SUSD2: variants seen among roughly 807,000 people sequenced by gnomAD.
SUSD2 encodes the protein sushi domain-containing protein 2.
Under a neutral mutation model 93.8 loss-of-function variants are expected in SUSD2, and 86 were observed. That is an observed-to-expected ratio of 0.92 (90% CI 0.77 to 1.10). SUSD2 has a LOEUF of 1.10. Among genes scored for constraint, SUSD2 ranks in the 50% least tolerant of loss-of-function variants. The probability of loss-of-function intolerance (pLI) is 0.00; values close to 1 mark genes in which losing one functional copy is unlikely to be tolerated. For missense variants in SUSD2, 1,060 were observed against 1,137.0 expected (o/e 0.93, Z 0.97); for synonymous variants, 483 against 485.0 (o/e 1.00, Z 0.05).
chr22:24,188,288 C>T lies in SUSD2; in HGVS notation c.2405C>T (p.Ala802Val), dbSNP rs369875223. The change falls in exon 14 of 15, where the codon GCG becomes GTG. Residue 802 changes from alanine to valine, a missense_variant. Transcript: ENST00000358321. The surrounding 1 kb of genome is among the most constrained non-coding windows in gnomAD (Gnocchi z 4.7). ...GGCCTCGCGGTGGTGGCGGCGGTTG[C>T]GCTCGTCTATGTGCTGCTGCGCCGC... is the stretch of plus-strand genomic sequence containing the variant. ...FGGLAVVAAV[A>V]LVYVLLRRRK... 25 of 1,604,698 alleles carry T rather than the reference C, an allele frequency of 1.6e-5. No homozygotes were observed. The highest frequency in any genetic ancestry group is 6.7e-5 in the African/African-American group (5 of 74,812).
In SUSD2 at chr22:24,187,364, A is replaced by AC; in HGVS notation, c.1809dup (p.Thr604HisfsTer65). ...GGCCTCCTCGGGACACTCAACAACG[A>AC]CCCCACCGACGACTTCACCCTGCAC... On this transcript the variant is annotated frameshift_variant, in exon 11 of 15. Transcript: ENST00000358321. LOFTEE classifies it high-confidence loss of function. 1 of 1,612,446 alleles carries AC rather than the reference A, an allele frequency of 6.2e-7. No homozygotes were observed. Among genetic ancestry groups the AC allele is most frequent in the Non-Finnish European group, 8.5e-7 (1 of 1,179,612 alleles).
Position 24,188,744 on chromosome 22 carries a change from C to G in SUSD2, c.*308C>G. The G allele has an allele frequency of 2.9e-6, 1 of 346,084 alleles. No individual in the cohort carries two copies. 21.4% of individuals were successfully genotyped at this position (346,084 alleles called of 1,614,324 possible). A position where few individuals can be genotyped will look rare whatever the true frequency, so the allele number is the denominator to read the frequency against. ...CCCTGACACTCCCACACCTGAGCCT[C>G]AGATTCCAATAGCTCACTCCCTAGA... On this transcript the variant is annotated 3_prime_UTR_variant, in exon 15 of 15. Coordinates refer to ENST00000358321, the MANE Select transcript of SUSD2 (RefSeq NM_019601.4). This position sits in a 1 kb window ranked among gnomAD's most constrained non-coding sequence, Gnocchi z 4.7.
chr22:24,185,274 G>T lies in SUSD2; in HGVS notation c.963G>T (p.Arg321=), dbSNP rs758786799. The T allele has an allele frequency of 6.2e-7, 1 of 1,604,730 alleles. No homozygotes were observed. The highest frequency in any genetic ancestry group is 8.5e-7 in the Non-Finnish European group (1 of 1,179,776). Residue 321 remains arginine (R), a synonymous_variant, in exon 6 of 15, where the codon CGG becomes CGT. Transcript: ENST00000358321. ...PDCPCTLTQA[R]ADSGRFFTDY... is the part of the protein sequence containing the mutation. ...GCCCCTGCACCCTGACCCAGGCCCG[G>T]GCTGACTCCGGCCGCTTCTTCGTGA... is the stretch of plus-strand genomic sequence containing the variant.
At position 24,188,307 on chromosome 22, in the gene SUSD2, G is replaced by A; in HGVS notation, c.2424G>A (p.Leu808=). ...CGGTTGCGCTCGTCTATGTGCTGCT[G>A]CGCCGCAGGAAGGGCAACACGTGAG... The part of the protein sequence containing the change: ...VAAVALVYVL[L]RRRKGNTHVW... Residue 808 remains leucine (L), a synonymous_variant, in exon 14 of 15, where the codon CTG becomes CTA. Transcript: ENST00000358321. The surrounding 1 kb of genome is among the most constrained non-coding windows in gnomAD (Gnocchi z 4.7). 1 of 1,606,320 alleles carries A rather than the reference G, an allele frequency of 6.2e-7. No individual in the cohort carries two copies.
rs141347073 is a variant in SUSD2 at position 24,185,649 on chromosome 22, T to G, written c.1071-12T>G. 2.1e-3 allele frequency: 3,346 copies of G among 1,608,434 alleles called. 31 individuals are homozygous for G. In the African/African-American group the frequency reaches 0.032, roughly 15 times the overall value. On this transcript the variant is annotated splice_polypyrimidine_tract_variant and intron_variant, in intron 7 of 14. Transcript: ENST00000358321. Reference sequence around the variant, plus strand: ...CAACAGTGGCCTGGCCCTGACTCACTGGCTCCTGCAGCCTCCGGTACGGCT... The same window carrying G: ...CAACAGTGGCCTGGCCCTGACTCACGGGCTCCTGCAGCCTCCGGTACGGCT...
rs2047325457 is a variant in SUSD2, at chr22:24,181,502, G to A, written c.-18G>A. On this transcript the variant is annotated 5_prime_UTR_variant, in exon 1 of 15. Transcript: ENST00000358321. The stretch of plus-strand genomic sequence containing the variant: ...CCTCGGAGCCACTGCACTGCTGGCT[G>A]CAGACACAGGCTGCACCATGAAGCC... 6.4e-7 allele frequency: 1 copy of A among 1,552,488 alleles called. No individual in the cohort carries two copies. Among genetic ancestry groups the A allele is most frequent in the Non-Finnish European group, 8.7e-7 (1 of 1,151,976 alleles).
rs56289213 is a variant in SUSD2, at chr22:24,183,156, G to C, written c.176G>C (p.Arg59Pro). 13 of 1,613,870 alleles carry C rather than the reference G, an allele frequency of 8.1e-6. No homozygotes were observed. The East Asian group carries it at 8.9e-5, about 11-fold the overall frequency. The change falls in exon 2 of 15, where the codon CGG becomes CCG. Residue 59 changes from arginine (R) to proline (P), a missense_variant. Coordinates refer to ENST00000358321, the MANE Select transcript of SUSD2 (RefSeq NM_019601.4). ...CTTGGCACCTGCTGCTTGGATTTCC[G>C]GGACTTCTGCCTGGAGATATTGCCC... ...SGLGTCCLDF[R>P]DFCLEILPYS...
intron 10 of SUSD2, chr22:24,186,873 G>A: frequency 2.2e-6 from 1 of 461,898 alleles, no homozygotes; most frequent in South Asian, 2.6e-5. Flanking sequence ...CCTGGGAGGG[G>A]CCTGTCAGCA....
chr22:24,183,995 T>G (rs1274184790), intron 3 of SUSD2, 141 bp from the exon 4 acceptor site: 1 of 826,654 alleles, frequency 1.2e-6, no homozygotes, highest in African/African-American at 1.7e-5. Context: ...CGTCCTTTTC[T>G]GCTGTGCGGG....
rs1234544531 is a variant in SUSD2, at chr22:24,185,721, A to G, written c.1131A>G (p.Thr377=). The change falls in exon 8 of 15, where the codon ACA becomes ACG. Residue 377 remains threonine (T), a synonymous_variant. Transcript: ENST00000358321. ...CAGCGGACGGGACGCAGCTCCTGAC[A>G]GCTGACTCCAGCGGCGGCAGCACTC... ...CYTADGTQLL[T]ADSSGGSTPD... is the part of the protein sequence containing the mutation. The G allele has an allele frequency of 6.2e-7, 1 of 1,610,606 alleles. No individual in the cohort carries two copies. Among genetic ancestry groups the G allele is most frequent in the African/African-American group, 1.3e-5 (1 of 74,888 alleles).
intron 9 of SUSD2, 44 bp downstream of exon 9, chr22:24,186,203 A>C: frequency 6.2e-7 from 1 of 1,609,910 alleles, no homozygotes; most frequent in South Asian, 1.1e-5. Context: ...ATGGGGTAGA[A>C]CCAAGGTGGG....
rs377095412 is a variant in SUSD2 at position 24,185,125 on chromosome 22, G to C, written c.814G>C (p.Ala272Pro). ...DVQALWTNDH[A>P]LAWHLSDDFR... ...GCAGGCGCTCTGGACCAACGACCAC[G>C]CACTGGCCTGGCACCTGAGCGATGA... is the stretch of plus-strand genomic sequence containing the variant. Residue 272 changes from alanine (A) to proline (P), a missense_variant, in exon 6 of 15, where the codon GCA becomes CCA. This residue lies in a region of SUSD2 where 973 missense variants were observed against 1,005.3 expected (regional missense o/e 0.97). Coordinates refer to ENST00000358321, the MANE Select transcript of SUSD2 (RefSeq NM_019601.4). 3.7e-6 allele frequency: 6 copies of C among 1,612,730 alleles called. No individual in the cohort carries two copies. In the African/African-American group the frequency reaches 8.0e-5, roughly 22 times the overall value.
Position 24,184,903 on chromosome 22 carries a change from C to A in SUSD2, c.745C>A (p.Leu249Ile), listed in dbSNP as rs907393703. Residue 249 changes from leucine (L) to isoleucine (I), a missense_variant, in exon 5 of 15, where the codon CTT becomes ATT. Transcript: ENST00000358321. ...PSYQRWRVGA[L>I]RIIDSKNYAG... ...CTACCAGAGATGGCGAGTGGGTGCA[C>A]TTCGGATCATCGACAGCAAAAATTA... The A allele has an allele frequency of 1.4e-5, 22 of 1,613,930 alleles. No individual in the cohort carries two copies. Among genetic ancestry groups the A allele is most frequent in the Non-Finnish European group, 1.9e-5 (22 of 1,179,970 alleles).
At chr22:24,186,505 GCCTCT>G in intron 10 of SUSD2, 90 bp downstream of exon 10, 2 of 1,485,942 alleles carry the variant, frequency 1.3e-6, no homozygotes, top group South Asian at 2.6e-5. Context: ...GGGCCTTCAT[GCCTCT>G]CCCAGTCCTG....
chr22:24,183,749 T>C lies in SUSD2; in HGVS notation c.439+103T>C, dbSNP rs1416264010. 3 of 1,335,984 alleles carry C rather than the reference T, an allele frequency of 2.2e-6. No homozygotes were observed. The Admixed American group carries it at 6.7e-5, about 30-fold the overall frequency. 82.8% of individuals were successfully genotyped at this position (1,335,984 alleles called of 1,614,324 possible). A position where few individuals can be genotyped will look rare whatever the true frequency, so the allele number is the denominator to read the frequency against. On this transcript the variant is annotated intron_variant, in intron 3 of 14. Coordinates refer to ENST00000358321, the MANE Select transcript of SUSD2 (RefSeq NM_019601.4). The stretch of plus-strand genomic sequence containing the variant: ...CCTGTCCGTGCCCTGCCTCTCTGGC[T>C]GAACCAGTCCCTTGGGAGGCCTGCC...
chr22:24,181,634 C>A, intron 1 of SUSD2, 39 bp downstream of exon 1: 1 of 1,490,880 alleles, frequency 6.7e-7, no homozygotes, highest in Non-Finnish European at 9.1e-7. Flanking sequence ...GTCTGTCTGT[C>A]CATCTGTCTG....
At position 24,187,335 on chromosome 22, in the gene SUSD2, C is replaced by G. The variant is rs773973141; in HGVS notation, c.1776C>G (p.Thr592=). The G allele has an allele frequency of 3.1e-6, 5 of 1,614,130 alleles. No individual in the cohort carries two copies. The highest frequency in any genetic ancestry group is 4.2e-6 in the Non-Finnish European group (5 of 1,180,028). Reference sequence around the variant, plus strand: ...TGCCTGAGAAGTTCCTCACCCACACCCACGGCCTCCTCGGGACACTCAACA... The same window carrying G: ...TGCCTGAGAAGTTCCTCACCCACACGCACGGCCTCCTCGGGACACTCAACA... ...VLLPEKFLTH[T]HGLLGTLNND... The change falls in exon 11 of 15, where the codon ACC becomes ACG. Residue 592 remains threonine (T), a synonymous_variant. Transcript: ENST00000358321.
Position 24,187,340 on chromosome 22 carries a change from GCCT to G in SUSD2, c.1786_1788del (p.Leu596del), listed in dbSNP as rs1169660598. ...GAGAAGTTCCTCACCCACACCCACG[GCCT>G]CCTCGGGACACTCAACAACGACCCC... On this transcript the variant is annotated inframe_deletion, in exon 11 of 15. Transcript: ENST00000358321. 11 of 1,613,954 alleles carry G rather than the reference GCCT, an allele frequency of 6.8e-6. No homozygotes were observed. In the African/African-American group the frequency reaches 1.2e-4, roughly 18 times the overall value.
chr22:24,186,121 G>A lies in SUSD2; in HGVS notation c.1445G>A (p.Arg482Lys). ...CTGGAGGCAGCGCTGACCGACCTGA[G>A]GGTGCAGGCGCGGGCCCAGCCCGGG... The part of the protein sequence containing the change: ...VLLEAALTDL[R>K]VQARAQPGTM... Residue 482 changes from arginine (R) to lysine (K), a missense_variant, in exon 9 of 15, where the codon AGG becomes AAG. Transcript: ENST00000358321. 1 of 1,612,076 alleles carries A rather than the reference G, an allele frequency of 6.2e-7. No homozygotes were observed.
Sources: gnomAD v4.1 joint callset for allele counts on GRCh38, gnomAD v4.1.1 for gene constraint, gnomAD v4.1.1 regional missense constraint, Gnocchi (gnomAD v3.1) non-coding constraint, MANE v1.5 for transcripts, NCBI Gene and HGNC (gene_info 2026-07-23, HGNC 2026-07-21) for gene names.